Variants in RGS7 observed in about 807,000 individuals in gnomAD.
RGS7 encodes the protein regulator of G protein signaling 7.
RGS7 carries 27 observed loss-of-function variants against 81.1 expected under a neutral mutation model. That is an observed-to-expected ratio of 0.33 (90% CI 0.25 to 0.46). The LOEUF is 0.46. RGS7 is among the 20% of genes least tolerant of loss of function. The probability of loss-of-function intolerance (pLI) is 1.00; values close to 1 mark genes in which losing one functional copy is unlikely to be tolerated. For synonymous variants in RGS7, 208 were observed against 207.7 expected (o/e 1.00, Z -0.01); for missense variants, 396 against 607.4 (o/e 0.65, Z 3.66).
chr1:240,925,920 G>A (rs1013466732), intron 6 of RGS7, among the ~76,000 whole-genome samples: 13 of 152,160 alleles, frequency 8.5e-5, no homozygotes, highest in Non-Finnish European at 4.4e-5. Flanking sequence ...CTGCTTGTAT[G>A]TCTTTTTTTG....
chr1:241,351,137 G>A (rs2083222139), intron 2 of RGS7, among the ~76,000 whole-genome samples: 1 of 152,092 alleles, frequency 6.6e-6, no homozygotes, highest in South Asian at 2.1e-4. Flanking sequence ...GAGCAGTCAC[G>A]GCTGGGCACT....
At chr1:241,258,986 T>A (rs1324138247) in intron 2 of RGS7, among the ~76,000 whole-genome samples, 2 of 152,122 alleles carry the variant, frequency 1.3e-5, no homozygotes, top group Non-Finnish European at 2.9e-5. Context: ...GGGGCCATAC[T>A]TCACAAGCAG....
intron 2 of RGS7, among the ~76,000 whole-genome samples, chr1:241,110,738 G>A (rs554839595): frequency 3.7e-4 from 55 of 148,354 alleles, no homozygotes; most frequent in African/African-American, 1.4e-3. Context: ...TGCCCAGGCT[G>A]GAGTATGATG....
At chr1:240,992,912 A>G (rs649723) in intron 3 of RGS7, among the ~76,000 whole-genome samples, 56,509 of 151,038 alleles carry the variant, frequency 0.37, 12,479 homozygotes, top group East Asian at 0.61. Context: ...CTACTCAGGA[A>G]CCTGAGGCAG....
rs2103218434 is a variant in RGS7 at position 241,164,289 on chromosome 1, G to A, written c.79-65527C>T. On this transcript the variant is annotated intron_variant, in intron 2 of 18. Transcript: ENST00000440928. The surrounding 1 kb of genome is among the most constrained non-coding windows in gnomAD (Gnocchi z 4.1). ...CCTATCCTCTTTTTTTTTTTTTTAAGCTTCATTATGTAAGCATGATTGACT... is the reference window on the plus strand; with the variant it reads ...CCTATCCTCTTTTTTTTTTTTTTAAACTTCATTATGTAAGCATGATTGACT... 6.8e-6 allele frequency among the ~76,000 whole-genome samples: 1 copy of A among 146,448 alleles called. No individual in the cohort carries two copies. Among genetic ancestry groups the A allele is most frequent in the South Asian group, 2.2e-4 (1 of 4,636 alleles).
chr1:240,924,886 A>G (rs1363617747), intron 6 of RGS7, among the ~76,000 whole-genome samples: 1 of 152,194 alleles, frequency 6.6e-6, no homozygotes, highest in South Asian at 2.1e-4. Context: ...TCAAAATAAT[A>G]TTTTAGTGCA....
At chr1:240,882,168 G>C (rs1176898499) in intron 6 of RGS7, among the ~76,000 whole-genome samples, 3 of 152,096 alleles carry the variant, frequency 2.0e-5, no homozygotes, top group Non-Finnish European at 4.4e-5. Context: ...ACCCGCCTTG[G>C]CCTCCCAAAC....
intron 9 of RGS7, among the ~76,000 whole-genome samples, chr1:240,853,701 G>C (rs1572421664): frequency 6.6e-6 from 1 of 151,888 alleles, no homozygotes; most frequent in East Asian, 1.9e-4. Flanking sequence ...GGCAGGAGGA[G>C]ACCATACGGG....
At chr1:241,067,524 A>AT (rs11438337) in intron 3 of RGS7, among the ~76,000 whole-genome samples, 130,012 of 147,226 alleles carry the variant, frequency 0.88, 57,453 homozygotes, top group East Asian at 0.99. Flanking sequence ...GAATAATGAG[A>AT]TTTTTTTTTT....
At chr1:241,277,591 C>G (rs1356734007) in intron 2 of RGS7, among the ~76,000 whole-genome samples, 1 of 151,088 alleles carries the variant, frequency 6.6e-6, no homozygotes, top group African/African-American at 2.4e-5. Context: ...TGCACTCCAG[C>G]CTGGGCGATA....
chr1:241,276,516 T>G (rs186632140), intron 2 of RGS7, among the ~76,000 whole-genome samples: 82 of 152,328 alleles, frequency 5.4e-4, no homozygotes, highest in African/African-American at 1.8e-3. Flanking sequence ...CTGTCTCATT[T>G]TGCTAAATGG....
chr1:241,303,498 T>A (rs935403357), intron 2 of RGS7, among the ~76,000 whole-genome samples: 4 of 152,250 alleles, frequency 2.6e-5, no homozygotes, highest in African/African-American at 7.2e-5. Flanking sequence ...AATGGACTAA[T>A]GCACCATCAC....
intron 2 of RGS7, among the ~76,000 whole-genome samples, chr1:241,221,086 AG>A (rs1343725041): frequency 1.1e-4 from 15 of 142,680 alleles, no homozygotes; most frequent in East Asian, 6.9e-4. Flanking sequence ...GAAGGAAGGA[AG>A]GAAGAAAGGA....
chr1:241,298,173 C>T (rs1200681612), intron 2 of RGS7, among the ~76,000 whole-genome samples: 1 of 152,196 alleles, frequency 6.6e-6, no homozygotes, highest in South Asian at 2.1e-4. Context: ...GTTAGTTGGA[C>T]AGTGACCAGT....
chr1:241,310,983 T>C (rs185104234), intron 2 of RGS7, among the ~76,000 whole-genome samples: 233 of 152,294 alleles, frequency 1.5e-3, no homozygotes, highest in African/African-American at 5.5e-3. Context: ...GAGGACTGGA[T>C]CTGACTATGG....
At chr1:240,781,687 C>A (rs561403157) in intron 18 of RGS7, among the ~76,000 whole-genome samples, 2 of 152,072 alleles carry the variant, frequency 1.3e-5, no homozygotes, top group African/African-American at 4.8e-5. Flanking sequence ...TATATTGAGA[C>A]AACTAAAAGG....
At chr1:241,166,066 G>A (rs2103229483) in intron 2 of RGS7, among the ~76,000 whole-genome samples, 1 of 152,194 alleles carries the variant, frequency 6.6e-6, no homozygotes, top group East Asian at 1.9e-4. Context: ...TGTCTGAGAA[G>A]CTCATGTCTG....
At chr1:241,288,329 C>T (rs1558276904) in intron 2 of RGS7, among the ~76,000 whole-genome samples, 1 of 152,152 alleles carries the variant, frequency 6.6e-6, no homozygotes, top group Non-Finnish European at 1.5e-5. Flanking sequence ...ATTCAGGATT[C>T]GACTCCAGCT....
At chr1:240,920,626 C>A in intron 6 of RGS7, 1 of 1,115,082 alleles carries the variant, frequency 9.0e-7, no homozygotes, top group Non-Finnish European at 1.3e-6. Flanking sequence ...GGAAACAAAG[C>A]TTAGCGGAAG....
Sources: allele counts gnomAD v4.1 joint callset (sites outside exome capture counted in the v4.1 genomes callset), GRCh38; gene constraint gnomAD v4.1.1; non-coding constraint Gnocchi (gnomAD v3.1); transcripts MANE v1.5; gene names NCBI Gene and HGNC (gene_info 2026-07-23, HGNC 2026-07-21).